MYO3B: variants seen among roughly 807,000 people sequenced by gnomAD.
MYO3B encodes the protein myosin IIIB, also known as myosin-IIIb.
Under a neutral mutation model 174.6 loss-of-function variants are expected in MYO3B, and 156 were observed. That is an observed-to-expected ratio of 0.89 (90% CI 0.78 to 1.02). The LOEUF is 1.02. Among genes scored for constraint, MYO3B ranks in the 50% least tolerant of loss-of-function variants. The pLI is 0.00. For missense variants in MYO3B, 1,632 were observed against 1,639.4 expected (o/e 1.00, Z 0.08); for synonymous variants, 563 against 569.1 (o/e 0.99, Z 0.15).
intron 22 of MYO3B, among the ~76,000 whole-genome samples, chr2:170,416,830 T>G (rs1322941274): frequency 2.7e-5 from 4 of 145,980 alleles, no homozygotes; most frequent in Non-Finnish European, 4.5e-5. Context: ...TTTTTTTTTT[T>G]TTTTTTTTTT....
chr2:170,269,486 T>C lies in MYO3B; in HGVS notation c.749+33350T>C, dbSNP rs569772304. The stretch of plus-strand genomic sequence containing the variant: ...CTGATAATAAGTGTTGGTAAGAATG[T>C]GGGGAAACAAGCACTAGCACTTTCA... On this transcript the variant is annotated intron_variant, in intron 7 of 34. Coordinates refer to ENST00000408978, the MANE Select transcript of MYO3B (RefSeq NM_138995.5). Among the ~76,000 whole-genome samples the C allele has an allele frequency of 1.1e-3, 170 of 152,214 alleles. 5 individuals are homozygous for C. The South Asian group carries it at 0.035, about 31-fold the overall frequency.
chr2:170,418,543 A>G (rs1273664176), intron 22 of MYO3B, among the ~76,000 whole-genome samples: 1 of 152,236 alleles, frequency 6.6e-6, no homozygotes, highest in Non-Finnish European at 1.5e-5. Flanking sequence ...TGAAAAATAC[A>G]GGAGCTCTTA....
intron 32 of MYO3B, among the ~76,000 whole-genome samples, chr2:170,566,025 A>G (rs1052650272): frequency 1.3e-5 from 2 of 152,188 alleles, no homozygotes; most frequent in African/African-American, 4.8e-5. Context: ...CTTTGTTGCA[A>G]GAGTCTGGAC....
chr2:170,287,998 T>G (rs1200917802), intron 7 of MYO3B, among the ~76,000 whole-genome samples: 2 of 152,158 alleles, frequency 1.3e-5, no homozygotes, highest in African/African-American at 2.4e-5. Context: ...CCATTGTATG[T>G]TCTTGGTACC....
rs746935212 is a variant in MYO3B at position 170,214,484 on chromosome 2, G to T, written c.426+1G>T. The T allele has an allele frequency of 2.4e-5, 38 of 1,613,456 alleles. 1 individual carries two copies. In the East Asian group the frequency reaches 7.6e-4, roughly 32 times the overall value. ...ATACATCTTGTACGGGGCCCTCTTGGTAAGAACATCTATCAAATGGGGTAT... is the reference window on the plus strand; with the variant it reads ...ATACATCTTGTACGGGGCCCTCTTGTTAAGAACATCTATCAAATGGGGTAT... On this transcript the variant is annotated splice_donor_variant, in intron 4 of 34. Coordinates refer to ENST00000408978, the MANE Select transcript of MYO3B (RefSeq NM_138995.5). LOFTEE classifies it high-confidence loss of function.
rs539503370 is a variant in MYO3B at position 170,494,072 on chromosome 2, G to C, written c.3015-4520G>C. ...GTAATGATAAATATCTGTTTTTAAG[G>C]CATTAAATTTTGAAGTAATTTGTTA... On this transcript the variant is annotated intron_variant, in intron 25 of 34. Transcript: ENST00000408978. 2.4e-4 allele frequency among the ~76,000 whole-genome samples: 36 copies of C among 152,268 alleles called. No homozygotes were observed. The South Asian group carries it at 7.3e-3, about 31-fold the overall frequency.
chr2:170,530,847 G>C (rs904464252), intron 30 of MYO3B, among the ~76,000 whole-genome samples: 1 of 152,154 alleles, frequency 6.6e-6, no homozygotes, highest in African/African-American at 2.4e-5. Context: ...AAGGGGCATT[G>C]TTGCCAGAAG....
chr2:170,511,809 C>T lies in MYO3B; in HGVS notation c.3371-3112C>T, dbSNP rs368327406. On this transcript the variant is annotated intron_variant, in intron 28 of 34. Transcript: ENST00000408978. ...TGGAATCAAACTGACCACTCTGGCC[C>T]AGGCTTGAAAGGAATACAAAACTGG... 1.9e-3 allele frequency among the ~76,000 whole-genome samples: 293 copies of T among 152,276 alleles called. 3 individuals carry two copies. In the South Asian group the frequency reaches 0.027, roughly 14 times the overall value.
intron 30 of MYO3B, among the ~76,000 whole-genome samples, chr2:170,534,897 A>T (rs1422898528): frequency 6.6e-6 from 1 of 152,188 alleles, no homozygotes; most frequent in Non-Finnish European, 1.5e-5. Flanking sequence ...GTGCCATAAC[A>T]CATAGTGTTT....
chr2:170,522,423 T>C (rs1345227412), intron 30 of MYO3B, among the ~76,000 whole-genome samples: 1 of 152,208 alleles, frequency 6.6e-6, no homozygotes, highest in Non-Finnish European at 1.5e-5. Context: ...TTAATCTCAC[T>C]TCCAGTCATT....
chr2:170,421,947 T>G lies in MYO3B; in HGVS notation c.2650+14103T>G, dbSNP rs1019339392. On this transcript the variant is annotated intron_variant, in intron 22 of 34. Coordinates refer to ENST00000408978, the MANE Select transcript of MYO3B (RefSeq NM_138995.5). ...TTTCTTTCATTTTTAAAATTCTCCA[T>G]GCAGTTTCTCCTACCCTCTCAGCTA... 3.3e-5 allele frequency among the ~76,000 whole-genome samples: 5 copies of G among 152,342 alleles called. No individual in the cohort carries two copies. The South Asian group carries it at 8.3e-4, about 25-fold the overall frequency.
chr2:170,180,306 G>A (rs1471161531), intron 1 of MYO3B: 4 of 270,560 alleles, frequency 1.5e-5, no homozygotes, highest in Non-Finnish European at 3.3e-5. Context: ...CATGAAAAGA[G>A]GGGCTGCTTG....
At chr2:170,438,218 C>G (rs1017538781) in intron 22 of MYO3B, among the ~76,000 whole-genome samples, 1 of 152,108 alleles carries the variant, frequency 6.6e-6, no homozygotes, top group South Asian at 2.1e-4. Context: ...CTTAGCCTAA[C>G]GTCCTCCAGG....
intron 7 of MYO3B, among the ~76,000 whole-genome samples, chr2:170,330,755 A>G (rs1217069891): frequency 6.6e-6 from 1 of 152,212 alleles, no homozygotes; most frequent in Non-Finnish European, 1.5e-5. Flanking sequence ...GGGCTTCAAA[A>G]GTAGAGGAAT....
At chr2:170,282,661 A>C (rs2093521164) in intron 7 of MYO3B, among the ~76,000 whole-genome samples, 1 of 151,998 alleles carries the variant, frequency 6.6e-6, no homozygotes, top group African/African-American at 2.4e-5. Flanking sequence ...ATATTTTAAT[A>C]GGGATGCATT....
At chr2:170,511,309 G>A (rs1450328463) in intron 28 of MYO3B, among the ~76,000 whole-genome samples, 3 of 151,260 alleles carry the variant, frequency 2.0e-5, no homozygotes, top group Non-Finnish European at 2.9e-5. Context: ...CTCGTGATCC[G>A]CCTGCCTCGG....
rs190854113 is a variant in MYO3B, at chr2:170,440,948, C to T, written c.2651-3019C>T. 4.4e-3 allele frequency among the ~76,000 whole-genome samples: 661 copies of T among 151,600 alleles called. 4 individuals carry two copies. The highest frequency in any genetic ancestry group is 0.015 in the African/African-American group (639 of 41,360). On this transcript the variant is annotated intron_variant, in intron 22 of 34. Coordinates refer to ENST00000408978, the MANE Select transcript of MYO3B (RefSeq NM_138995.5). ...TCCAGAGTAGCTGAGATTACAGGCG[C>T]GTGCCACCACGCCCGGCTAATTTTT...
chr2:170,648,787 A>G (rs1446112562), intron 32 of MYO3B, among the ~76,000 whole-genome samples: 1 of 119,066 alleles, frequency 8.4e-6, no homozygotes, highest in Admixed American at 1.0e-4. Flanking sequence ...TATGTATTCT[A>G]TAATCTATAT....
intron 22 of MYO3B, among the ~76,000 whole-genome samples, chr2:170,422,566 C>T (rs2094624644): frequency 6.6e-6 from 1 of 151,324 alleles, no homozygotes; most frequent in Non-Finnish European, 1.5e-5. Context: ...TCAAGCGATT[C>T]TCCTGCCTCT....
Sources: gnomAD v4.1 joint callset for allele counts (sites outside exome capture counted in the v4.1 genomes callset) on GRCh38, gnomAD v4.1.1 for gene constraint, MANE v1.5 for transcripts, NCBI Gene and HGNC (gene_info 2026-07-23, HGNC 2026-07-21) for gene names.